COL6A3: variants seen among roughly 807,000 people sequenced by gnomAD.
COL6A3 encodes the protein collagen alpha-3(VI) chain.
A neutral mutation model predicts 274.1 loss-of-function variants in COL6A3; 137 were observed. That is an observed-to-expected ratio of 0.50 (90% CI 0.44 to 0.58). The LOEUF (loss-of-function observed/expected upper bound fraction) is 0.58. Among genes scored for constraint, COL6A3 ranks in the 20% least tolerant of loss-of-function variants. The pLI, the probability that COL6A3 is intolerant of heterozygous loss-of-function variation, is 0.00. For missense variants in COL6A3, 3,950 were observed against 4,124.9 expected (o/e 0.96, Z 1.16); for synonymous variants, 1,650 against 1,650.6 (o/e 1.00, Z 0.01).
chr2:237,357,174 G>A (rs2077336828), intron 23 of COL6A3, 164 bp downstream of exon 23: 4 of 763,650 alleles, frequency 5.2e-6, no homozygotes, highest in Non-Finnish European at 9.6e-6. Context: ...AAGCACCAGG[G>A]AAATTATAAG....
rs1466835462 is a variant in COL6A3 at position 237,336,321 on chromosome 2, T to C, written c.8779A>G (p.Met2927Val). 6.2e-7 allele frequency: 1 copy of C among 1,613,294 alleles called. No individual in the cohort carries two copies. Among genetic ancestry groups the C allele is most frequent in the Non-Finnish European group, 8.5e-7 (1 of 1,179,358 alleles). Residue 2927 changes from methionine (M) to valine (V), a missense_variant, in exon 40 of 44, where the codon ATG becomes GTG. Coordinates refer to ENST00000295550, the MANE Select transcript of COL6A3 (RefSeq NM_004369.4). ...GCCACTGGGGGTCTAACAGTGGCCA[T>C]CTTTGTGGCCACAGGCTTGGCAGCC... ...PVAAKPVATKMATVRPPVAVK... is the reference protein window; with the variant it reads ...PVAAKPVATKVATVRPPVAVK...
chr2:237,385,926 A>G (rs117892678), intron 4 of COL6A3, among the ~76,000 whole-genome samples: 1,851 of 152,306 alleles, frequency 0.012, 66 homozygotes, highest in Admixed American at 0.059. Context: ...AAGCTGGAAA[A>G]CTGTATGCAG....
At chr2:237,359,123 G>A in intron 19 of COL6A3, 35 bp from the exon 20 acceptor site, 1 of 1,613,686 alleles carries the variant, frequency 6.2e-7, no homozygotes, top group East Asian at 2.2e-5. Context: ...CACACCTGCT[G>A]CAATTTCTAT....
Position 237,374,901 on chromosome 2 carries a change from G to A in COL6A3, c.3190C>T (p.Arg1064Trp), listed in dbSNP as rs369810455. Reference protein sequence around the residue: ...VVESLDVGQDRVRVAVVQYSD... With the variant: ...VVESLDVGQDWVRVAVVQYSD... Reference sequence around the variant, plus strand: ...TACTGCACCACGGCCACGCGGACCCGGTCCTGGCCCACATCCAGGCTTTCC... The same window carrying A: ...TACTGCACCACGGCCACGCGGACCCAGTCCTGGCCCACATCCAGGCTTTCC... Residue 1064 changes from arginine (R) to tryptophan (W), a missense_variant, in exon 8 of 44, where the codon CGG (arginine) becomes TGG (tryptophan). Physicochemically the swap from Arg to Trp is moderately radical, Grantham distance 101. Coordinates refer to ENST00000295550, the MANE Select transcript of COL6A3 (RefSeq NM_004369.4). This position sits in a 1 kb window ranked among gnomAD's most constrained non-coding sequence, Gnocchi z 4.8. The A allele has an allele frequency of 9.5e-5, 153 of 1,613,746 alleles. No individual in the cohort carries two copies. Among genetic ancestry groups the A allele is most frequent in the Middle Eastern group, 3.3e-4 (2 of 6,082 alleles).
intron 31 of COL6A3, 75 bp from the exon 32 acceptor site, chr2:237,346,640 A>G: frequency 7.3e-7 from 1 of 1,371,966 alleles, no homozygotes; most frequent in Admixed American, 1.7e-5. Context: ...GTTGGAAGGT[A>G]CGGTAAAAGT....
At chr2:237,343,999 A>C in intron 36 of COL6A3, 1 of 380,660 alleles carries the variant, frequency 2.6e-6, no homozygotes, top group Non-Finnish European at 5.0e-6. Flanking sequence ...TCTTGGGAGG[A>C]GACAGGAAGG....
rs2078175607 is a variant in COL6A3, at chr2:237,387,564, TGAGAA to T, written c.1312+13_1312+17del. The T allele has an allele frequency of 6.2e-7, 1 of 1,613,846 alleles. No individual in the cohort carries two copies. The highest frequency in any genetic ancestry group is 2.2e-5 in the East Asian group (1 of 44,868). On this transcript the variant is annotated intron_variant, in intron 4 of 43. Coordinates refer to ENST00000295550, the MANE Select transcript of COL6A3 (RefSeq NM_004369.4). ...CAACACCCCACTCCCACACAGATGG[TGAGAA>T]GAGGATACATACCTTGTGTGACAAT... is the stretch of plus-strand genomic sequence containing the variant.
chr2:237,359,701 G>A (rs1313188735), intron 17 of COL6A3, among the ~76,000 whole-genome samples: 2 of 152,172 alleles, frequency 1.3e-5, no homozygotes, highest in African/African-American at 4.8e-5. Context: ...TCAAACTTCA[G>A]CAAACAGAGA....
chr2:237,346,616 T>G, intron 31 of COL6A3, 51 bp from the exon 32 acceptor site: 1 of 1,526,624 alleles, frequency 6.6e-7, no homozygotes, highest in Non-Finnish European at 9.1e-7. Context: ...AGTGGAGAAT[T>G]TAAGGCTCCT....
intron 42 of COL6A3, among the ~76,000 whole-genome samples, chr2:237,330,866 T>C (rs187858268): frequency 8.0e-4 from 122 of 152,354 alleles, no homozygotes; most frequent in Non-Finnish European, 1.5e-3. Context: ...AGGAACCTTT[T>C]CATTTCAGAG....
In COL6A3 at chr2:237,365,939, A is replaced by G. The variant is rs1465215888; in HGVS notation, c.5597T>C (p.Leu1866Ser). Residue 1866 changes from leucine (L) to serine (S), a missense_variant, in exon 12 of 44, where the codon TTG (leucine) becomes TCG (serine). By Grantham distance (145) the Leu-to-Ser change is moderately radical. Around this residue, in one of 5 missense-constraint regions of COL6A3, gnomAD observed 632 missense variants for 623.4 expected, o/e 1.01. Transcript: ENST00000295550. ...CCTGTGCATCTGGCTGATTCTGTTCAAGATGGCGTCCACCTTGGACTCGAA... is the reference window on the plus strand; with the variant it reads ...CCTGTGCATCTGGCTGATTCTGTTCGAGATGGCGTCCACCTTGGACTCGAA... ...KGFESKVDAI[L>S]NRISQMHRVS... The G allele has an allele frequency of 4.3e-6, 7 of 1,614,182 alleles. No individual in the cohort carries two copies. The highest frequency in any genetic ancestry group is 5.9e-6 in the Non-Finnish European group (7 of 1,180,022).
chr2:237,364,174 T>C lies in COL6A3; in HGVS notation c.5917+176A>G, dbSNP rs779433151. On this transcript the variant is annotated intron_variant, in intron 13 of 43. Coordinates refer to ENST00000295550, the MANE Select transcript of COL6A3 (RefSeq NM_004369.4). This position sits in a 1 kb window ranked among gnomAD's most constrained non-coding sequence, Gnocchi z 4.6. ...AAGTACAGAAGGAATTTTTGTTAGCTCCATCCCACAGCTCCAAGCAGGTGA... is the reference window on the plus strand; with the variant it reads ...AAGTACAGAAGGAATTTTTGTTAGCCCCATCCCACAGCTCCAAGCAGGTGA... 3.3e-5 allele frequency among the ~76,000 whole-genome samples: 5 copies of C among 152,166 alleles called. No individual in the cohort carries two copies. Among genetic ancestry groups the C allele is most frequent in the Non-Finnish European group, 7.3e-5 (5 of 68,028 alleles).
intron 6 of COL6A3, 49 bp from the exon 7 acceptor site, chr2:237,377,393 G>A (rs758790535): frequency 7.7e-6 from 12 of 1,564,478 alleles, no homozygotes; most frequent in Non-Finnish European, 7.8e-6. Flanking sequence ...AGCATAACAG[G>A]AACCAAAGCG....
At chr2:237,384,787 C>A (rs536447099) in intron 4 of COL6A3, among the ~76,000 whole-genome samples, 1 of 152,138 alleles carries the variant, frequency 6.6e-6, no homozygotes, top group Non-Finnish European at 1.5e-5. Context: ...AACCCACAGC[C>A]TACCTTCCTC....
At chr2:237,399,561 G>T (rs929818020) in intron 1 of COL6A3, among the ~76,000 whole-genome samples, 16 of 152,166 alleles carry the variant, frequency 1.1e-4, no homozygotes, top group African/African-American at 3.9e-4. Context: ...CATGAGCAAC[G>T]CAGTTTGGAA....
chr2:237,399,403 C>T (rs919206854), intron 1 of COL6A3, among the ~76,000 whole-genome samples: 1 of 152,178 alleles, frequency 6.6e-6, no homozygotes, highest in Non-Finnish European at 1.5e-5. Context: ...CATGTGGTAG[C>T]CTGTTTGGTA....
chr2:237,336,178 T>C lies in COL6A3; in HGVS notation c.8922A>G (p.Ala2974=). 6 of 1,613,596 alleles carry C rather than the reference T, an allele frequency of 3.7e-6. No homozygotes were observed. Among genetic ancestry groups the C allele is most frequent in the Non-Finnish European group, 5.1e-6 (6 of 1,179,978 alleles). Residue 2974 remains alanine, a synonymous_variant, in exon 40 of 44, where the codon GCA becomes GCG. Transcript: ENST00000295550. ...CTGGCTTGGTGGCAGCTGGTTTGGC[T>C]GCCTGTGGCCTAGGGACCTCAGGCT... ...ATKPEVPRPQ[A]AKPAATKPAT...
chr2:237,341,242 T>C lies in COL6A3; in HGVS notation c.7766-92A>G. The C allele has an allele frequency of 3.9e-6, 5 of 1,294,732 alleles. No individual in the cohort carries two copies. In the Admixed American group the frequency reaches 5.1e-5, roughly 13 times the overall value. 80.2% of individuals were successfully genotyped at this position (1,294,732 alleles called of 1,614,324 possible). On this transcript the variant is annotated intron_variant, in intron 37 of 43. Transcript: ENST00000295550. The stretch of plus-strand genomic sequence containing the variant: ...TGCTGGGAGACTTGGGCGATTAAAA[T>C]GATCACATAAGATCAAAAGCGGGCC...
At chr2:237,406,597 A>G (rs2078725498) in intron 1 of COL6A3, among the ~76,000 whole-genome samples, 1 of 151,298 alleles carries the variant, frequency 6.6e-6, no homozygotes. Context: ...CCATTCCTAG[A>G]CTGCAAGAAG....
Sources: gnomAD v4.1 joint callset for allele counts (sites outside exome capture counted in the v4.1 genomes callset) on GRCh38, gnomAD v4.1.1 for gene constraint, gnomAD v4.1.1 regional missense constraint, Gnocchi (gnomAD v3.1) non-coding constraint, MANE v1.5 for transcripts, NCBI Gene and HGNC (gene_info 2026-07-23, HGNC 2026-07-21) for gene names.